The following ITIH5 variants were observed in gnomAD, a reference collection of about 807,000 sequenced individuals.
ITIH5 encodes inter-alpha-trypsin inhibitor heavy chain 5, also known as inter-alpha-trypsin inhibitor heavy chain H5.
ITIH5 carries 65 observed loss-of-function variants against 77.5 expected under a neutral mutation model. That is an observed-to-expected ratio of 0.84 (90% confidence interval 0.69 to 1.03). The LOEUF (loss-of-function observed/expected upper bound fraction) is 1.03, where lower values mean the gene tolerates loss of function less well. Among genes scored for constraint, ITIH5 ranks in the 50% least tolerant of loss-of-function variants. ITIH5 has a pLI of 0.00. For missense variants in ITIH5, 1,208 were observed against 1,213.1 expected (o/e 1.00, Z 0.06); for synonymous variants, 525 against 494.3 (o/e 1.06, Z -0.82).
intron 5 of ITIH5, among the ~76,000 whole-genome samples, chr10:7,629,340 C>T: frequency 7.8e-5 from 8 of 102,842 alleles, no homozygotes; most frequent in African/African-American, 3.3e-4. Context: ...AGCGTGTGCC[C>T]ATGTTGTAGC....
At chr10:7,645,803 T>C (rs1834001479) in intron 2 of ITIH5, among the ~76,000 whole-genome samples, 1 of 152,228 alleles carries the variant, frequency 6.6e-6, no homozygotes, top group South Asian at 2.1e-4. Context: ...TCACCAAATG[T>C]TTCTGTTAAA....
At position 7,642,130 on chromosome 10, in the gene ITIH5, G is replaced by A. The variant is rs1242687293; in HGVS notation, c.136-40C>T. On this transcript the variant is annotated intron_variant, in intron 2 of 13. Coordinates refer to ENST00000397146, the MANE Select transcript of ITIH5 (RefSeq NM_030569.7). ...ACACACAGTATCATCGGTGATGCAT[G>A]AAAGCATTTTGGTGGTAGTGGAACA... The A allele has an allele frequency of 3.3e-6, 5 of 1,526,976 alleles. No individual in the cohort carries two copies. The Admixed American group carries it at 5.6e-5, about 17-fold the overall frequency. The allele number at this position is 1,526,976 out of a possible 1,614,324, so 94.6% of individuals were successfully genotyped here. A position where few individuals can be genotyped will look rare whatever the true frequency, so the allele number is the denominator to read the frequency against.
intron 2 of ITIH5, among the ~76,000 whole-genome samples, chr10:7,649,471 A>G (rs1165166488): frequency 6.6e-6 from 1 of 152,102 alleles, no homozygotes; most frequent in Non-Finnish European, 1.5e-5. Flanking sequence ...GTCTAAAGAG[A>G]TAGGGGATAT....
chr10:7,626,252 G>A (rs1272249322), intron 5 of ITIH5, among the ~76,000 whole-genome samples: 1 of 152,140 alleles, frequency 6.6e-6, no homozygotes, highest in Non-Finnish European at 1.5e-5. Flanking sequence ...GTAAAGAGGA[G>A]GTGTCTCACC....
intron 5 of ITIH5, among the ~76,000 whole-genome samples, chr10:7,635,911 A>G (rs1201242393): frequency 6.6e-6 from 1 of 152,214 alleles, no homozygotes; most frequent in African/African-American, 2.4e-5. Flanking sequence ...AGCCGCAGGC[A>G]CTGAATACAG....
chr10:7,576,850 G>T lies in ITIH5; in HGVS notation c.1581C>A (p.His527Gln). 1 of 1,614,148 alleles carries T rather than the reference G, an allele frequency of 6.2e-7. No homozygotes were observed. Among genetic ancestry groups the T allele is most frequent in the Non-Finnish European group, 8.5e-7 (1 of 1,180,034 alleles). Residue 527 changes from histidine to glutamine, a missense_variant, in exon 10 of 14, where the codon CAC becomes CAA. His to Gln is a conservative substitution (Grantham distance 24). Transcript: ENST00000397146. The stretch of plus-strand genomic sequence containing the variant: ...TACTGTTGCTGGCGGTGACCTCCAC[G>T]TGCAGGTGATCCAGCTTCCTGTCCA... ...KLVDRKLDHL[H>Q]VEVTASNSKK...
At position 7,594,956 on chromosome 10, in the gene ITIH5, G is replaced by C. The variant is rs192354800; in HGVS notation, c.940-8887C>G. Among the ~76,000 whole-genome samples, 58 of 152,344 alleles carry C rather than the reference G, an allele frequency of 3.8e-4. 1 individual carries two copies. The highest frequency in any genetic ancestry group is 3.1e-4 in the Non-Finnish European group (21 of 68,036). ...AAGAGGCCCTTCGGGTTTCCCCTGG[G>C]GGGTCCGTGCCAGTTCCTAAAAGCA... is the stretch of plus-strand genomic sequence containing the variant. On this transcript the variant is annotated intron_variant, in intron 7 of 13. Transcript: ENST00000397146.
At chr10:7,633,330 C>T (rs1833742170) in intron 5 of ITIH5, among the ~76,000 whole-genome samples, 1 of 152,206 alleles carries the variant, frequency 6.6e-6, no homozygotes, top group South Asian at 2.1e-4. Context: ...GCCTTTTACA[C>T]TGGGAAAGAT....
intron 7 of ITIH5, among the ~76,000 whole-genome samples, chr10:7,615,159 A>C (rs1235561518): frequency 6.6e-6 from 1 of 152,164 alleles, no homozygotes; most frequent in Non-Finnish European, 1.5e-5. Context: ...AGGCAGGAGA[A>C]TCTCTTGAAC....
At chr10:7,585,829 A>AAC in intron 8 of ITIH5, 72 bp downstream of exon 8, 1 of 1,345,826 alleles carries the variant, frequency 7.4e-7, no homozygotes, top group Non-Finnish European at 1.0e-6. Context: ...TCTTGGCAAA[A>AAC]AAAAAAAAAA....
intron 5 of ITIH5, chr10:7,621,044 G>T (rs1833466851): frequency 6.6e-6 from 1 of 152,230 alleles, no homozygotes; most frequent in Non-Finnish European, 1.5e-5. Flanking sequence ...CTCTGGGGAT[G>T]GGACTCCGCC....
At chr10:7,583,396 G>A (rs578106860) in intron 8 of ITIH5, among the ~76,000 whole-genome samples, 36 of 152,220 alleles carry the variant, frequency 2.4e-4, no homozygotes, top group South Asian at 8.3e-4. Context: ...GCAGTGGTGC[G>A]ATCTCGGCTC....
chr10:7,646,581 C>T (rs1399057768), intron 2 of ITIH5, among the ~76,000 whole-genome samples: 1 of 152,206 alleles, frequency 6.6e-6, no homozygotes, highest in African/African-American at 2.4e-5. Flanking sequence ...CTCAGGGTTT[C>T]TGTGGGTCAT....
Position 7,661,583 on chromosome 10 carries a change from G to C in ITIH5, c.90+5220C>G, listed in dbSNP as rs527500935. 3.3e-5 allele frequency among the ~76,000 whole-genome samples: 5 copies of C among 152,308 alleles called. 1 individual carries two copies. Among genetic ancestry groups the C allele is most frequent in the African/African-American group, 1.2e-4 (5 of 41,566 alleles). On this transcript the variant is annotated intron_variant, in intron 1 of 13. Transcript: ENST00000397146. ...CAAATTTTTCTTCCTTGAAAGTAAT[G>C]TTGCTGCAAGTTTGTTTAGCTATTA...
chr10:7,642,258 C>T (rs1474004769), intron 2 of ITIH5, among the ~76,000 whole-genome samples, 168 bp from the exon 3 acceptor site: 1 of 151,906 alleles, frequency 6.6e-6, no homozygotes, highest in African/African-American at 2.4e-5. Context: ...CCATTTTTAA[C>T]TCCCTTCCTT....
intron 8 of ITIH5, among the ~76,000 whole-genome samples, chr10:7,584,299 C>CTT (rs59425820): frequency 1.1e-4 from 15 of 141,196 alleles, no homozygotes; most frequent in African/African-American, 1.6e-4. Flanking sequence ...TTCTTTCTTT[C>CTT]TTTTTTTTTT....
At chr10:7,640,633 T>TA (rs1833869815) in intron 4 of ITIH5, 121 bp downstream of exon 4, 4 of 645,696 alleles carry the variant, frequency 6.2e-6, no homozygotes, top group African/African-American at 1.8e-5. Context: ...TATATTTTGA[T>TA]AAAAAAGAAA....
intron 11 of ITIH5, among the ~76,000 whole-genome samples, chr10:7,572,596 T>A (rs1258009415): frequency 6.6e-6 from 1 of 152,050 alleles, no homozygotes; most frequent in East Asian, 1.9e-4. Context: ...TATAGCTCAC[T>A]GCAGCCTCAT....
intron 8 of ITIH5, 49 bp downstream of exon 8, chr10:7,585,852 A>C (rs763631604): frequency 4.7e-5 from 71 of 1,512,678 alleles, no homozygotes; most frequent in Non-Finnish European, 5.3e-5. Context: ...CAAAAAAAAA[A>C]ACATTATTTC....
Sources: gnomAD v4.1 joint callset for allele counts (sites outside exome capture counted in the v4.1 genomes callset) on GRCh38, gnomAD v4.1.1 for gene constraint, MANE v1.5 for transcripts, NCBI Gene and HGNC (gene_info 2026-07-23, HGNC 2026-07-21) for gene names.